The following SDF4 variants were observed in gnomAD, a reference collection of about 807,000 sequenced individuals.
SDF4 encodes the protein stromal cell derived factor 4.
SDF4 carries 22 observed loss-of-function variants against 34.2 expected under a neutral mutation model. The observed-to-expected ratio is 0.64, with a 90% CI of 0.46 to 0.92. The LOEUF is 0.92. SDF4 is among the 40% of genes least tolerant of loss of function. The pLI, the probability that SDF4 is intolerant of heterozygous loss-of-function variation, is 0.00. For synonymous variants in SDF4, 236 were observed against 203.1 expected (o/e 1.16, Z -1.38); for missense variants, 447 against 499.9 (o/e 0.89, Z 1.01).
rs186472404 is a variant in SDF4, at chr1:1,224,373, G to A, written c.306-405C>T. On this transcript the variant is annotated intron_variant, in intron 2 of 6. Transcript: ENST00000360001. ...TTGCTCACTGCAACCTCCGCCTCCC[G>A]GGTTCAAGCGATTCTACTGCCTCAG... 1.6e-3 allele frequency among the ~76,000 whole-genome samples: 238 copies of A among 152,276 alleles called. 2 individuals are homozygous for A. Among genetic ancestry groups the A allele is most frequent in the Admixed American group, 0.014 (214 of 15,302 alleles).
chr1:1,230,555 G>C (rs933028979), intron 1 of SDF4, among the ~76,000 whole-genome samples: 5 of 151,906 alleles, frequency 3.3e-5, no homozygotes, highest in Non-Finnish European at 7.4e-5. Flanking sequence ...CCACCTCCCA[G>C]GTTCAAGTGA....
Position 1,217,301 on chromosome 1 carries a change from GC to G in SDF4, c.*210del, listed in dbSNP as rs1649563101. ...GGCGGCGCCGCGGGGCCACAGCCCA[GC>G]CCCGCGCCCCGACCGCGTCACAGCC... On this transcript the variant is annotated 3_prime_UTR_variant, in exon 7 of 7. Coordinates refer to ENST00000360001, the MANE Select transcript of SDF4 (RefSeq NM_016176.6). The surrounding 1 kb of genome is among the most constrained non-coding windows in gnomAD (Gnocchi z 8.5). 4.2e-6 allele frequency: 1 copy of G among 236,396 alleles called. No homozygotes were observed. The highest frequency in any genetic ancestry group is 5.9e-5 in the Admixed American group (1 of 17,080). 14.6% of individuals were successfully genotyped at this position (236,396 alleles called of 1,614,324 possible).
Position 1,218,795 on chromosome 1 carries a change from A to G in SDF4, c.689T>C (p.Met230Thr), listed in dbSNP as rs576012700. Residue 230 changes from methionine to threonine, a missense_variant, in exon 5 of 7, where the codon ATG becomes ACG. Transcript: ENST00000360001. This position sits in a 1 kb window ranked among gnomAD's most constrained non-coding sequence, Gnocchi z 7.9. ...PEHSRGMLRF[M>T]VKEIVRDLDQ... The stretch of plus-strand genomic sequence containing the variant: ...CAGGTCCCGGACGATCTCCTTCACC[A>G]TGAACCTGAGCATTCCCCGGCTGTG... 1.2e-6 allele frequency: 2 copies of G among 1,611,378 alleles called. No individual in the cohort carries two copies. Among genetic ancestry groups the G allele is most frequent in the East Asian group, 2.2e-5 (1 of 44,778 alleles).
At chr1:1,219,109 C>T (rs1463603343) in intron 4 of SDF4, 182 bp from the exon 5 acceptor site, 33 of 1,519,830 alleles carry the variant, frequency 2.2e-5, no homozygotes, top group African/African-American at 5.6e-5. Context: ...CCTGGACCCC[C>T]GCCAAGACAT....
chr1:1,226,863 G>A (rs1016991408), intron 2 of SDF4, among the ~76,000 whole-genome samples: 1 of 152,232 alleles, frequency 6.6e-6, no homozygotes, highest in Admixed American at 6.5e-5. Context: ...GAGCAGGGAC[G>A]GGGACCCTTC....
At chr1:1,224,625 A>G (rs909170363) in intron 2 of SDF4, among the ~76,000 whole-genome samples, 1 of 152,184 alleles carries the variant, frequency 6.6e-6, no homozygotes, top group Non-Finnish European at 1.5e-5. Flanking sequence ...AAAAACCTTC[A>G]TATAGGCAGG....
In SDF4 at chr1:1,219,977, G is replaced by A. The variant is rs1649824460; in HGVS notation, c.557-1050C>T. ...CTTAAAGGAAGACAGGAGTGACGGG[G>A]CTGTGGTTCCTGGGGCACCCCTCCC... On this transcript the variant is annotated intron_variant, in intron 4 of 6. Transcript: ENST00000360001. 4.1e-6 allele frequency: 4 copies of A among 985,670 alleles called. No individual in the cohort carries two copies. In the East Asian group the frequency reaches 3.4e-4, roughly 84 times the overall value. The allele number at this position is 985,670 out of a possible 1,614,324, so 61.1% of individuals were successfully genotyped here. A position where few individuals can be genotyped will look rare whatever the true frequency, so the allele number is the denominator to read the frequency against.
chr1:1,231,269 C>G (rs564028973), intron 1 of SDF4, among the ~76,000 whole-genome samples: 1 of 152,252 alleles, frequency 6.6e-6, no homozygotes, highest in Admixed American at 6.5e-5. Context: ...CCCCTAGCAG[C>G]TCAGTTCCCA....
At chr1:1,220,268 T>C (rs1235409890) in intron 4 of SDF4, 2 of 1,052,108 alleles carry the variant, frequency 1.9e-6, no homozygotes, top group South Asian at 3.1e-5. Context: ...CTGCTGTCCC[T>C]GTGAGAAGAG....
intron 2 of SDF4, among the ~76,000 whole-genome samples, chr1:1,225,767 C>T (rs1638285584): frequency 7.0e-6 from 1 of 142,178 alleles, no homozygotes; most frequent in Non-Finnish European, 1.5e-5. Flanking sequence ...ACACGGGCCA[C>T]ACACTCCACA....
intron 2 of SDF4, among the ~76,000 whole-genome samples, chr1:1,226,131 G>T (rs1008385668): frequency 8.5e-5 from 13 of 152,246 alleles, no homozygotes; most frequent in African/African-American, 3.1e-4. Context: ...CTCCAGCCAC[G>T]GGAGACAGGG....
chr1:1,223,492 CA>C, intron 3 of SDF4, 135 bp from the exon 4 acceptor site: 1 of 700,194 alleles, frequency 1.4e-6, no homozygotes, highest in Non-Finnish European at 2.4e-6. Context: ...GGGCCCCGGC[CA>C]GCACCCCACA....
chr1:1,220,676 T>A (rs368778437), intron 4 of SDF4: 30 of 1,288,908 alleles, frequency 2.3e-5, no homozygotes, highest in Non-Finnish European at 2.9e-5. Context: ...GTCCCAAAGG[T>A]AGACGGAGGC....
intron 2 of SDF4, among the ~76,000 whole-genome samples, chr1:1,226,750 T>C (rs1638322623): frequency 6.6e-6 from 1 of 152,170 alleles, no homozygotes; most frequent in Non-Finnish European, 1.5e-5. Flanking sequence ...GCTTGGGGTT[T>C]CGTTACAGGC....
chr1:1,225,190 C>T (rs570968913), intron 2 of SDF4, among the ~76,000 whole-genome samples: 1 of 152,362 alleles, frequency 6.6e-6, no homozygotes, highest in South Asian at 2.1e-4. Context: ...GTGTCCTGAG[C>T]TCACCTGTTG....
At chr1:1,220,092 C>CAACGG in intron 4 of SDF4, 1 of 986,676 alleles carries the variant, frequency 1.0e-6, no homozygotes, top group Non-Finnish European at 1.2e-6. Context: ...ACAGGCCGGC[C>CAACGG]GAGAGACGCT....
intron 1 of SDF4, among the ~76,000 whole-genome samples, chr1:1,230,919 T>G (rs1190167176): frequency 6.6e-6 from 1 of 152,250 alleles, no homozygotes; most frequent in African/African-American, 2.4e-5. Flanking sequence ...ACACACGCTG[T>G]GTGCAAAGAG....
At position 1,217,799 on chromosome 1, in the gene SDF4, C is replaced by A; in HGVS notation, c.892-111G>T. On this transcript the variant is annotated intron_variant, in intron 6 of 6. Coordinates refer to ENST00000360001, the MANE Select transcript of SDF4 (RefSeq NM_016176.6). The surrounding 1 kb of genome is among the most constrained non-coding windows in gnomAD (Gnocchi z 8.5). Reference sequence around the variant, plus strand: ...CTATTGGCTGCAGCGGGAGTGTGGGCACGTTCTGGAAGGTTCCCGAAGGGA... The same window carrying A: ...CTATTGGCTGCAGCGGGAGTGTGGGAACGTTCTGGAAGGTTCCCGAAGGGA... The A allele has an allele frequency of 6.3e-7, 1 of 1,583,020 alleles. No homozygotes were observed. Among genetic ancestry groups the A allele is most frequent in the Non-Finnish European group, 8.6e-7 (1 of 1,166,490 alleles).
chr1:1,218,451 G>A lies in SDF4; in HGVS notation c.891+7C>T. The A allele has an allele frequency of 6.2e-7, 1 of 1,609,310 alleles. No individual in the cohort carries two copies. Among genetic ancestry groups the A allele is most frequent in the Non-Finnish European group, 8.5e-7 (1 of 1,179,604 alleles). Reference sequence around the variant, plus strand: ...CGGCTCCGGGACACGGCTGCGCCAGGGCTCACCTCCAGCTCCTCGGCGGTC... The same window carrying A: ...CGGCTCCGGGACACGGCTGCGCCAGAGCTCACCTCCAGCTCCTCGGCGGTC... On this transcript the variant is annotated splice_region_variant and intron_variant, in intron 6 of 6. Coordinates refer to ENST00000360001, the MANE Select transcript of SDF4 (RefSeq NM_016176.6). The surrounding 1 kb of genome is among the most constrained non-coding windows in gnomAD (Gnocchi z 7.9).
Sources: allele counts gnomAD v4.1 joint callset (sites outside exome capture counted in the v4.1 genomes callset), GRCh38; gene constraint gnomAD v4.1.1; non-coding constraint Gnocchi (gnomAD v3.1); transcripts MANE v1.5; gene names NCBI Gene and HGNC (gene_info 2026-07-23, HGNC 2026-07-21).